DNAJC15: variants seen among roughly 807,000 people sequenced by gnomAD.
DNAJC15 encodes DnaJ heat shock protein family (Hsp40) member C15, also known as dnaJ homolog subfamily C member 15.
Under a neutral mutation model 22.4 loss-of-function variants are expected in DNAJC15, and 27 were observed. That is an observed-to-expected ratio of 1.20 (90% confidence interval 0.89 to 1.66). The LOEUF is 1.66. DNAJC15 is among the 40% of genes most tolerant of loss of function. DNAJC15 has a pLI of 0.00. For missense variants in DNAJC15, 208 were observed against 187.1 expected (o/e 1.11, Z -0.65); for synonymous variants, 79 against 63.2 (o/e 1.25, Z -1.19).
At chr13:43,033,296 A>T (rs2040412452) in intron 1 of DNAJC15, among the ~76,000 whole-genome samples, 1 of 152,230 alleles carries the variant, frequency 6.6e-6, no homozygotes, top group Non-Finnish European at 1.5e-5. Context: ...ACATGCCAGT[A>T]GTCTTTGTTT....
intron 1 of DNAJC15, among the ~76,000 whole-genome samples, chr13:43,063,114 A>G (rs909859271): frequency 3.3e-5 from 5 of 151,500 alleles, no homozygotes; most frequent in Non-Finnish European, 7.4e-5. Context: ...GGTTCAAGTG[A>G]CTCTCATGCC....
At chr13:43,065,814 C>T (rs1291979347) in intron 2 of DNAJC15, 77 bp downstream of exon 2, 3 of 1,310,556 alleles carry the variant, frequency 2.3e-6, no homozygotes, top group East Asian at 4.6e-5. Context: ...CATGAGTAGA[C>T]CCTTAGTATT....
chr13:43,071,801 T>G (rs1283749994), intron 3 of DNAJC15, among the ~76,000 whole-genome samples: 2 of 152,230 alleles, frequency 1.3e-5, no homozygotes, highest in African/African-American at 4.8e-5. Flanking sequence ...TTTATTTGCT[T>G]TCTCTAAGCT....
intron 1 of DNAJC15, among the ~76,000 whole-genome samples, chr13:43,044,028 C>G (rs1422262210): frequency 6.6e-6 from 1 of 151,982 alleles, no homozygotes; most frequent in Non-Finnish European, 1.5e-5. Context: ...GACACTTTTT[C>G]TTGAATGTAA....
rs149261588 is a variant in DNAJC15 at position 43,026,701 on chromosome 13, C to T, written c.108+2967C>T. 4.7e-4 allele frequency among the ~76,000 whole-genome samples: 72 copies of T among 152,218 alleles called. 1 individual carries two copies. The highest frequency in any genetic ancestry group is 1.7e-3 in the African/African-American group (70 of 41,532). On this transcript the variant is annotated intron_variant, in intron 1 of 5. Coordinates refer to ENST00000379221, the MANE Select transcript of DNAJC15 (RefSeq NM_013238.3). ...AATGAGTTAAAGAAAAACTTTCACA[C>T]TGTATTTTAAAAATGTAATTCATTT...
At chr13:43,081,208 G>C (rs148171914) in intron 4 of DNAJC15, among the ~76,000 whole-genome samples, 1 of 152,182 alleles carries the variant, frequency 6.6e-6, no homozygotes, top group African/African-American at 2.4e-5. Context: ...AAGCTGCCCA[G>C]GAAAATTGTT....
At chr13:43,096,325 A>G (rs1393193969) in intron 5 of DNAJC15, among the ~76,000 whole-genome samples, 2 of 152,230 alleles carry the variant, frequency 1.3e-5, no homozygotes, top group Admixed American at 1.3e-4. Flanking sequence ...TTTATTAAAG[A>G]CCAAATATTA....
chr13:43,097,405 C>T (rs73190319), intron 5 of DNAJC15, among the ~76,000 whole-genome samples: 1 of 151,928 alleles, frequency 6.6e-6, no homozygotes, highest in African/African-American at 2.4e-5. Context: ...GGAGAGGAAG[C>T]CCAAGGCTAA....
intron 1 of DNAJC15, among the ~76,000 whole-genome samples, chr13:43,055,121 TG>T (rs2040524050): frequency 6.6e-6 from 1 of 151,340 alleles, no homozygotes; most frequent in East Asian, 1.9e-4. Context: ...GTTGGGGGGA[TG>T]CCTGCAGCTG....
In DNAJC15 at chr13:43,023,649, C is replaced by A; in HGVS notation, c.23C>A (p.Ala8Asp). ...GCCATGGCTGCCCGTGGTGTCATCG[C>A]TCCAGTTGGCGAGAGTTTGCGCTAC... MAARGVIAPVGESLRYAE... is the reference protein window; with the variant it reads MAARGVIDPVGESLRYAE... The change falls in exon 1 of 6, where the codon GCT (alanine) becomes GAT (aspartate). Residue 8 changes from alanine (A) to aspartate (D), a missense_variant. By Grantham distance (126) the Ala-to-Asp change is moderately radical. Coordinates refer to ENST00000379221, the MANE Select transcript of DNAJC15 (RefSeq NM_013238.3). 6.2e-7 allele frequency: 1 copy of A among 1,612,274 alleles called. No homozygotes were observed. The highest frequency in any genetic ancestry group is 8.5e-7 in the Non-Finnish European group (1 of 1,179,304).
At chr13:43,025,049 G>T (rs2040374469) in intron 1 of DNAJC15, among the ~76,000 whole-genome samples, 1 of 151,872 alleles carries the variant, frequency 6.6e-6, no homozygotes, top group South Asian at 2.1e-4. Context: ...GACAGAGCTA[G>T]ACCCTGTCTC....
At chr13:43,095,343 A>G (rs1457966453) in intron 5 of DNAJC15, among the ~76,000 whole-genome samples, 1 of 152,210 alleles carries the variant, frequency 6.6e-6, no homozygotes, top group Non-Finnish European at 1.5e-5. Context: ...TGGTGGAGCT[A>G]TTTACTGAAA....
chr13:43,042,294 A>T (rs2040457970), intron 1 of DNAJC15, among the ~76,000 whole-genome samples: 1 of 152,206 alleles, frequency 6.6e-6, no homozygotes, highest in African/African-American at 2.4e-5. Flanking sequence ...TTGTAATAAA[A>T]CTTATGTGAG....
chr13:43,075,498 T>C (rs1326938872), intron 3 of DNAJC15, among the ~76,000 whole-genome samples: 4 of 152,230 alleles, frequency 2.6e-5, no homozygotes, highest in African/African-American at 4.8e-5. Context: ...TTATTCTATG[T>C]AGTAGTTCAG....
chr13:43,065,865 T>C, intron 2 of DNAJC15, 128 bp downstream of exon 2: 1 of 755,966 alleles, frequency 1.3e-6, no homozygotes, highest in Non-Finnish European at 2.2e-6. Context: ...TCTCATTCTT[T>C]CCACCATTTG....
chr13:43,086,390 C>T (rs1335560113), intron 5 of DNAJC15, among the ~76,000 whole-genome samples: 1 of 151,980 alleles, frequency 6.6e-6, no homozygotes, highest in East Asian at 1.9e-4. Flanking sequence ...AGAGGGAAAG[C>T]CCATATGTTC....
intron 5 of DNAJC15, among the ~76,000 whole-genome samples, chr13:43,101,788 T>C (rs1405715515): frequency 1.3e-5 from 2 of 152,218 alleles, no homozygotes; most frequent in African/African-American, 4.8e-5. Context: ...GGCTGAGTAG[T>C]ATTCCATTAT....
Position 43,047,570 on chromosome 13 carries a change from T to A in DNAJC15, c.109-18116T>A, listed in dbSNP as rs1362360137. Among the ~76,000 whole-genome samples the A allele has an allele frequency of 2.0e-5, 3 of 152,376 alleles. No individual in the cohort carries two copies. In the East Asian group the frequency reaches 5.8e-4, roughly 29 times the overall value. On this transcript the variant is annotated intron_variant, in intron 1 of 5. Transcript: ENST00000379221. ...TTTTTCATAACCTTGTTTGAATCAT[T>A]ACGAGCATGTTAGGATACAGGTATT...
At chr13:43,035,186 T>C (rs932585279) in intron 1 of DNAJC15, among the ~76,000 whole-genome samples, 7 of 152,178 alleles carry the variant, frequency 4.6e-5, no homozygotes, top group South Asian at 2.1e-4. Context: ...GCTTTATTTT[T>C]GTTTTTCAAT....
Sources: allele counts gnomAD v4.1 joint callset (sites outside exome capture counted in the v4.1 genomes callset), GRCh38; gene constraint gnomAD v4.1.1; transcripts MANE v1.5; gene names NCBI Gene and HGNC (gene_info 2026-07-23, HGNC 2026-07-21).